BMPR1B: variants seen among roughly 807,000 people sequenced by gnomAD.
The protein encoded by BMPR1B is bone morphogenetic protein receptor type 1B.
Under a neutral mutation model 59.1 loss-of-function variants are expected in BMPR1B, and 12 were observed. That is an observed-to-expected ratio of 0.20 (90% CI 0.13 to 0.33). The LOEUF (loss-of-function observed/expected upper bound fraction) is 0.33, where lower values mean the gene tolerates loss of function less well. Ranked by LOEUF, BMPR1B falls within the 10% of genes least tolerant of loss-of-function variation. BMPR1B has a pLI of 1.00. For missense variants in BMPR1B, 550 were observed against 610.9 expected, an observed-to-expected ratio of 0.90 and a Z score of 1.05; for synonymous variants, 237 against 207.3, an observed-to-expected ratio of 1.14 and a Z score of -1.23.
chr4:94,964,070 G>A lies in BMPR1B; in HGVS notation c.-112-31970G>A, dbSNP rs72671224. Among the ~76,000 whole-genome samples, 205 of 151,862 alleles carry A rather than the reference G, an allele frequency of 1.3e-3. 1 individual carries two copies. Among genetic ancestry groups the A allele is most frequent in the Non-Finnish European group, 2.2e-3 (149 of 67,864 alleles). On this transcript the variant is annotated intron_variant, in intron 2 of 12. Coordinates refer to ENST00000515059, the MANE Select transcript of BMPR1B (RefSeq NM_001203.3). ...CTTCTTTGGTTAAGTTTATTCCTTG[G>A]TATTTTATCTGTAGCTATTGTAAAT...
chr4:94,758,374 G>A (rs1578609603), intron 1 of BMPR1B, among the ~76,000 whole-genome samples: 1 of 151,292 alleles, frequency 6.6e-6, no homozygotes, highest in South Asian at 2.1e-4. Flanking sequence ...CTGCGCAGGC[G>A]AGGAGTCGGG....
At chr4:94,959,185 T>G (rs1327521335) in intron 2 of BMPR1B, among the ~76,000 whole-genome samples, 2 of 152,154 alleles carry the variant, frequency 1.3e-5, no homozygotes, top group African/African-American at 4.8e-5. Flanking sequence ...TTTGGGATTT[T>G]TAGTCTACAA....
intron 3 of BMPR1B, among the ~76,000 whole-genome samples, chr4:95,074,308 A>G (rs1579034166): frequency 6.6e-6 from 1 of 152,130 alleles, no homozygotes; most frequent in East Asian, 1.9e-4. Flanking sequence ...TCTTGGAACA[A>G]GCAACTTAGT....
chr4:94,881,922 T>G (rs1726989062), intron 2 of BMPR1B, among the ~76,000 whole-genome samples: 1 of 152,202 alleles, frequency 6.6e-6, no homozygotes, highest in Admixed American at 6.5e-5. Context: ...AAGGAAAGAC[T>G]TAGGGGTAAG....
At chr4:94,784,715 C>A (rs1722701789) in intron 1 of BMPR1B, among the ~76,000 whole-genome samples, 1 of 152,110 alleles carries the variant, frequency 6.6e-6, no homozygotes, top group Admixed American at 6.6e-5. Context: ...TTTCTCTGCC[C>A]AGATTCATTT....
At chr4:94,881,149 C>T (rs972170636) in intron 2 of BMPR1B, among the ~76,000 whole-genome samples, 5 of 152,132 alleles carry the variant, frequency 3.3e-5, no homozygotes, top group Non-Finnish European at 7.3e-5. Context: ...CATCATCCAT[C>T]TCAAGAACAT....
At chr4:94,941,112 T>C (rs1729493625) in intron 2 of BMPR1B, among the ~76,000 whole-genome samples, 1 of 152,194 alleles carries the variant, frequency 6.6e-6, no homozygotes, top group African/African-American at 2.4e-5. Context: ...ACGGGCCTCC[T>C]GGTCCTCCTT....
chr4:94,988,899 A>G (rs918681472), intron 2 of BMPR1B, among the ~76,000 whole-genome samples: 4 of 152,104 alleles, frequency 2.6e-5, no homozygotes, highest in African/African-American at 9.7e-5. Flanking sequence ...TTTGTAGTTT[A>G]CTTCTAACGA....
At chr4:94,760,653 C>G (rs1721723746) in intron 1 of BMPR1B, among the ~76,000 whole-genome samples, 1 of 152,206 alleles carries the variant, frequency 6.6e-6, no homozygotes, top group African/African-American at 2.4e-5. Flanking sequence ...GAGTGCCCCT[C>G]TTTCGGTGTC....
chr4:95,087,802 T>C (rs1445683879), intron 3 of BMPR1B, among the ~76,000 whole-genome samples: 2 of 152,176 alleles, frequency 1.3e-5, no homozygotes, highest in South Asian at 4.1e-4. Context: ...GGAAAAGAAG[T>C]GATAAAACTG....
chr4:94,909,347 G>C (rs1728186197), intron 2 of BMPR1B, among the ~76,000 whole-genome samples: 1 of 152,028 alleles, frequency 6.6e-6, no homozygotes, highest in Non-Finnish European at 1.5e-5. Flanking sequence ...CCAACAGGAA[G>C]GCAGCTGTAG....
At chr4:94,826,178 C>T (rs1724375088) in intron 1 of BMPR1B, among the ~76,000 whole-genome samples, 1 of 152,180 alleles carries the variant, frequency 6.6e-6, no homozygotes, top group African/African-American at 2.4e-5. Flanking sequence ...TAATGTGAAG[C>T]ATAAGTGAAA....
At position 95,104,456 on chromosome 4, in the gene BMPR1B, T is replaced by G; in HGVS notation, c.32T>G (p.Val11Gly). 1 of 1,613,412 alleles carries G rather than the reference T, an allele frequency of 6.2e-7. No individual in the cohort carries two copies. The change falls in exon 4 of 13, where the codon GTG (valine) becomes GGG (glycine). Residue 11 changes from valine to glycine, a missense_variant. Coordinates refer to ENST00000515059, the MANE Select transcript of BMPR1B (RefSeq NM_001203.3). The part of the protein sequence containing the change: MLLRSAGKLN[V>G]GTKKEDGEST... Reference sequence around the variant, plus strand: ...TTGCGAAGTGCAGGAAAATTAAATGTGGGCACCAAGAAAGAGGATGGTGAG... The same window carrying G: ...TTGCGAAGTGCAGGAAAATTAAATGGGGGCACCAAGAAAGAGGATGGTGAG...
intron 8 of BMPR1B, among the ~76,000 whole-genome samples, chr4:95,129,629 T>C (rs1733162915): frequency 6.6e-6 from 1 of 152,188 alleles, no homozygotes; most frequent in Non-Finnish European, 1.5e-5. Context: ...AAATAAAGTA[T>C]TTCATAATTT....
At chr4:94,865,441 A>C (rs1347135403) in intron 1 of BMPR1B, among the ~76,000 whole-genome samples, 1 of 151,148 alleles carries the variant, frequency 6.6e-6, no homozygotes, top group African/African-American at 2.4e-5. Flanking sequence ...CCCGGGCTGG[A>C]GTACAGTGGT....
rs186869235 is a variant in BMPR1B at position 94,996,417 on chromosome 4, G to A, written c.-18+283G>A. The A allele has an allele frequency of 8.5e-5, 13 of 152,248 alleles. No homozygotes were observed. The Middle Eastern group carries it at 0.01, about 120-fold the overall frequency. 9.4% of individuals were successfully genotyped at this position (152,248 alleles called of 1,614,324 possible). A position where few individuals can be genotyped will look rare whatever the true frequency, so the allele number is the denominator to read the frequency against. On this transcript the variant is annotated intron_variant, in intron 3 of 12. Transcript: ENST00000515059. ...TCTGTCTCTTCATTCTGTCAAACTC[G>A]AGGTCTTCCAGTTGGTAAAGTCCTA...
chr4:94,982,991 G>GAA (rs71583676), intron 2 of BMPR1B, among the ~76,000 whole-genome samples: 41 of 135,916 alleles, frequency 3.0e-4, no homozygotes, highest in African/African-American at 5.0e-4. Flanking sequence ...TCTCAAAAAA[G>GAA]AAAAAAAAAA....
chr4:94,937,729 C>CACACACACAG (rs1560556687), intron 2 of BMPR1B, among the ~76,000 whole-genome samples: 1 of 113,326 alleles, frequency 8.8e-6, no homozygotes, highest in East Asian at 2.4e-4. Context: ...GACACACACA[C>CACACACACAG]ACACACACAG....
intron 3 of BMPR1B, among the ~76,000 whole-genome samples, chr4:95,060,608 T>C (rs1727289437): frequency 6.6e-6 from 1 of 152,190 alleles, no homozygotes. Flanking sequence ...AACTAAGTGA[T>C]TTCTGTCTCC....
Sources: gnomAD v4.1 joint callset for allele counts (sites outside exome capture counted in the v4.1 genomes callset) on GRCh38, gnomAD v4.1.1 for gene constraint, MANE v1.5 for transcripts, NCBI Gene and HGNC (gene_info 2026-07-23, HGNC 2026-07-21) for gene names.